The following PHF21A variants were observed in gnomAD, a reference collection of about 807,000 sequenced individuals.
PHF21A encodes BHC80a.
A neutral mutation model predicts 82.5 loss-of-function variants in PHF21A; 11 were observed. The ratio of observed to expected loss-of-function variants is 0.13; its 90% confidence interval spans 0.08 to 0.22. The LOEUF (loss-of-function observed/expected upper bound fraction) is 0.22. PHF21A is among the 10% of genes least tolerant of loss of function. PHF21A has a pLI of 1.00. For synonymous variants in PHF21A, 297 were observed against 302.8 expected (o/e 0.98, Z 0.20); for missense variants, 579 against 837.8 (o/e 0.69, Z 3.81).
intron 6 of PHF21A, among the ~76,000 whole-genome samples, chr11:46,017,933 C>T (rs1468115767): frequency 6.6e-6 from 1 of 152,138 alleles, no homozygotes; most frequent in Non-Finnish European, 1.5e-5. Flanking sequence ...AAATTCATTA[C>T]TCTAACTAGC....
At chr11:46,090,781 A>T (rs2096915444) in intron 2 of PHF21A, among the ~76,000 whole-genome samples, 1 of 152,068 alleles carries the variant, frequency 6.6e-6, no homozygotes. Flanking sequence ...ATCTAGAAGA[A>T]ACTGCCACAC....
At chr11:45,959,676 C>T (rs958006071) in intron 10 of PHF21A, among the ~76,000 whole-genome samples, 3 of 152,126 alleles carry the variant, frequency 2.0e-5, no homozygotes, top group Non-Finnish European at 2.9e-5. Context: ...AGCTAATAAA[C>T]AAATTCAGCA....
intron 9 of PHF21A, among the ~76,000 whole-genome samples, chr11:45,967,930 C>T (rs2093544876): frequency 1.3e-5 from 2 of 152,166 alleles, no homozygotes; most frequent in African/African-American, 4.8e-5. Context: ...ATATTCTATT[C>T]TATTCATTTT....
intron 6 of PHF21A, among the ~76,000 whole-genome samples, chr11:46,018,118 C>T (rs377034785): frequency 6.6e-6 from 1 of 151,130 alleles, no homozygotes; most frequent in Non-Finnish European, 1.5e-5. Context: ...GGCGTAGTGG[C>T]GGGCGCCTGT....
At chr11:46,099,550 A>ACG (rs897986195) in intron 1 of PHF21A, among the ~76,000 whole-genome samples, 1 of 151,304 alleles carries the variant, frequency 6.6e-6, no homozygotes, top group African/African-American at 2.4e-5. Flanking sequence ...ACACACACAC[A>ACG]CACACACACA....
intron 6 of PHF21A, among the ~76,000 whole-genome samples, chr11:46,021,517 C>T (rs2095631283): frequency 6.6e-6 from 1 of 152,050 alleles, no homozygotes; most frequent in Non-Finnish European, 1.5e-5. Flanking sequence ...ACCCTTATTG[C>T]ACATGTGTGT....
intron 3 of PHF21A, among the ~76,000 whole-genome samples, chr11:46,088,494 A>G (rs904224777): frequency 6.6e-6 from 1 of 152,196 alleles, no homozygotes; most frequent in Non-Finnish European, 1.5e-5. Flanking sequence ...AAATCCCACT[A>G]AAAAGGTCAG....
rs929759044 is a variant in PHF21A, at chr11:46,007,319, CTTT to C, written c.154-27356_154-27354del. Among the ~76,000 whole-genome samples the C allele has an allele frequency of 2.8e-5, 4 of 145,292 alleles. No individual in the cohort carries two copies. In the South Asian group the frequency reaches 6.6e-4, roughly 24 times the overall value. On this transcript the variant is annotated intron_variant, in intron 6 of 18. Transcript: ENST00000676320. ...TCCATCTACCTTTTTTCTTCTTCTTCTTTTTTTTTTTTTCGAGATGGAGTTTCA... is the reference window on the plus strand; with the variant it reads ...TCCATCTACCTTTTTTCTTCTTCTTCTTTTTTTTTTCGAGATGGAGTTTCA...
Position 46,084,860 on chromosome 11 carries a change from T to G in PHF21A, c.-83-558A>C, listed in dbSNP as rs368816461. On this transcript the variant is annotated intron_variant, in intron 3 of 18. Transcript: ENST00000676320. Reference sequence around the variant, plus strand: ...ACGCCCGGCTCATTTTTTTATATTTTTAATAGAGACGGGGTTTCACCGTGT... The same window carrying G: ...ACGCCCGGCTCATTTTTTTATATTTGTAATAGAGACGGGGTTTCACCGTGT... Among the ~76,000 whole-genome samples, 13 of 152,208 alleles carry G rather than the reference T, an allele frequency of 8.5e-5. No individual in the cohort carries two copies. The East Asian group carries it at 2.5e-3, about 29-fold the overall frequency.
intron 6 of PHF21A, among the ~76,000 whole-genome samples, chr11:45,980,240 C>T (rs571585324): frequency 3.3e-5 from 5 of 152,250 alleles, no homozygotes; most frequent in Middle Eastern, 3.4e-3. Flanking sequence ...GCTCAGATGT[C>T]CTATTATTAA....
At chr11:46,009,835 C>T (rs988369339) in intron 6 of PHF21A, among the ~76,000 whole-genome samples, 1 of 152,174 alleles carries the variant, frequency 6.6e-6, no homozygotes, top group Non-Finnish European at 1.5e-5. Context: ...CTCAGGATAA[C>T]AGTCATTTCA....
At chr11:46,013,173 C>G (rs933121993) in intron 6 of PHF21A, among the ~76,000 whole-genome samples, 1 of 152,144 alleles carries the variant, frequency 6.6e-6, no homozygotes, top group Non-Finnish European at 1.5e-5. Flanking sequence ...ATTAACAACA[C>G]CTCATAATAA....
At chr11:46,044,311 AAG>A (rs2096217765) in intron 6 of PHF21A, among the ~76,000 whole-genome samples, 1 of 152,158 alleles carries the variant, frequency 6.6e-6, no homozygotes, top group African/African-American at 2.4e-5. Flanking sequence ...AGGAAAAAAA[AAG>A]AAAATTCATG....
chr11:45,941,844 A>G (rs184054404), intron 15 of PHF21A, among the ~76,000 whole-genome samples: 104 of 152,326 alleles, frequency 6.8e-4, no homozygotes, highest in Middle Eastern at 6.8e-3. Context: ...CTGCAATTTC[A>G]TCATGTGCTA....
intron 6 of PHF21A, among the ~76,000 whole-genome samples, chr11:46,016,000 TTTA>T (rs939376524): frequency 2.4e-4 from 36 of 152,322 alleles, no homozygotes; most frequent in African/African-American, 8.2e-4. Flanking sequence ...AACACAGTCA[TTTA>T]TTATTATCAA....
chr11:46,069,271 A>C (rs1022388226), intron 6 of PHF21A, among the ~76,000 whole-genome samples: 1 of 152,222 alleles, frequency 6.6e-6, no homozygotes, highest in African/African-American at 2.4e-5. Flanking sequence ...TCTGATGTAC[A>C]CAAGTGGCAA....
chr11:46,120,728 C>G (rs1313661573), intron 1 of PHF21A, among the ~76,000 whole-genome samples: 1 of 151,760 alleles, frequency 6.6e-6, no homozygotes, highest in Non-Finnish European at 1.5e-5. Context: ...CTCCCACACA[C>G]CCCTCCCCTC....
At chr11:46,065,733 A>C (rs767830337) in intron 6 of PHF21A, among the ~76,000 whole-genome samples, 1 of 152,242 alleles carries the variant, frequency 6.6e-6, no homozygotes, top group Non-Finnish European at 1.5e-5. Flanking sequence ...CTTTTCTTTA[A>C]CAAAAGTTGT....
At chr11:46,107,189 C>G (rs1360238513) in intron 1 of PHF21A, among the ~76,000 whole-genome samples, 1 of 152,152 alleles carries the variant, frequency 6.6e-6, no homozygotes, top group East Asian at 1.9e-4. Context: ...ATGCATAAAA[C>G]ACTAGTTTAG....
Sources: allele counts gnomAD v4.1 joint callset (sites outside exome capture counted in the v4.1 genomes callset), GRCh38; gene constraint gnomAD v4.1.1; transcripts MANE v1.5; gene names NCBI Gene and HGNC (gene_info 2026-07-23, HGNC 2026-07-21).